The following RSRC1 variants were observed in gnomAD, a reference collection of about 807,000 sequenced individuals.
RSRC1 encodes arginine and serine rich coiled-coil 1.
In RSRC1, 39 loss-of-function variants were observed where a neutral mutation model predicts 49.1. That is an observed-to-expected ratio of 0.79 (90% CI 0.61 to 1.04). RSRC1 has a LOEUF of 1.04. RSRC1 is among the 50% of genes least tolerant of loss of function. The pLI is 0.00. For synonymous variants in RSRC1, 143 were observed against 130.8 expected, an observed-to-expected ratio of 1.09 and a Z score of -0.63; for missense variants, 388 against 402.4, an observed-to-expected ratio of 0.96 and a Z score of 0.31.
chr3:158,392,369 TAAACTTATTA>T (rs1733358936), intron 6 of RSRC1, among the ~76,000 whole-genome samples: 1 of 152,094 alleles, frequency 6.6e-6, no homozygotes, highest in Non-Finnish European at 1.5e-5. Context: ...GAAATACTAT[TAAACTTATTA>T]AGAGAATCAG....
At chr3:158,221,894 C>T (rs755116073) in intron 4 of RSRC1, among the ~76,000 whole-genome samples, 3 of 151,400 alleles carry the variant, frequency 2.0e-5, no homozygotes, top group South Asian at 4.2e-4. Flanking sequence ...TGGAGAGATT[C>T]GTATAATGAA....
chr3:158,208,676 T>G (rs957302419), intron 4 of RSRC1, among the ~76,000 whole-genome samples: 1 of 152,186 alleles, frequency 6.6e-6, no homozygotes, highest in African/African-American at 2.4e-5. Context: ...AGGCCCTAGA[T>G]CATTACAATT....
At position 158,399,408 on chromosome 3, in the gene RSRC1, G is replaced by A. The variant is rs1251600626; in HGVS notation, c.583+44500G>A. On this transcript the variant is annotated intron_variant, in intron 6 of 9. Coordinates refer to ENST00000611884, the MANE Select transcript of RSRC1 (RefSeq NM_001271838.2). ...CCTGACCTCGTGATCCGCCCGCCTC[G>A]GCCTCCCAAAGTGCTGGGATTACAG... Among the ~76,000 whole-genome samples the A allele has an allele frequency of 3.1e-4, 11 of 35,670 alleles. 3 individuals are homozygous for A. The highest frequency in any genetic ancestry group is 6.0e-4 in the Non-Finnish European group (10 of 16,792). The allele number at this position is 35,670 out of a possible 152,430, so 23.4% of individuals were successfully genotyped here. A position where few individuals can be genotyped will look rare whatever the true frequency, so the allele number is the denominator to read the frequency against.
intron 4 of RSRC1, among the ~76,000 whole-genome samples, chr3:158,246,462 T>G (rs988591335): frequency 1.3e-5 from 2 of 152,198 alleles, no homozygotes; most frequent in African/African-American, 4.8e-5. Flanking sequence ...CTAACTGGTT[T>G]TTTTGCAGAC....
chr3:158,305,163 C>T (rs1727768112), intron 5 of RSRC1, among the ~76,000 whole-genome samples: 1 of 151,932 alleles, frequency 6.6e-6, no homozygotes, highest in Non-Finnish European at 1.5e-5. Flanking sequence ...TTCCCCAATC[C>T]CTCCTTTCAC....
At chr3:158,478,672 C>G (rs1738484965) in intron 7 of RSRC1, among the ~76,000 whole-genome samples, 1 of 151,888 alleles carries the variant, frequency 6.6e-6, no homozygotes, top group Admixed American at 6.6e-5. Context: ...CCAATTATTT[C>G]TTTTTCAGCA....
chr3:158,398,681 G>A (rs1346104634), intron 6 of RSRC1, among the ~76,000 whole-genome samples: 1 of 152,126 alleles, frequency 6.6e-6, no homozygotes, highest in Non-Finnish European at 1.5e-5. Flanking sequence ...TCTCAGAAAA[G>A]CTTTCCCTGT....
rs561244438 is a variant in RSRC1 at position 158,513,136 on chromosome 3, G to C, written c.653-23956G>C. On this transcript the variant is annotated intron_variant, in intron 7 of 9. Coordinates refer to ENST00000611884, the MANE Select transcript of RSRC1 (RefSeq NM_001271838.2). ...TTCTCCTGCCTAATTGCCCTGGGCA[G>C]CACTTCCAACACTGTGTTGAATAGG... Among the ~76,000 whole-genome samples, 19 of 149,850 alleles carry C rather than the reference G, an allele frequency of 1.3e-4. No homozygotes were observed. The East Asian group carries it at 3.5e-3, about 27-fold the overall frequency.
intron 4 of RSRC1, among the ~76,000 whole-genome samples, chr3:158,225,426 T>C (rs1282762840): frequency 6.6e-6 from 1 of 151,906 alleles, no homozygotes; most frequent in Non-Finnish European, 1.5e-5. Flanking sequence ...TTTCAACCAA[T>C]TGCTCTATGC....
chr3:158,496,804 G>A (rs1739344972), intron 7 of RSRC1: 1 of 229,398 alleles, frequency 4.4e-6, no homozygotes, highest in Non-Finnish European at 9.4e-6. Context: ...GAAACTAGGG[G>A]AAGAGATAGG....
intron 4 of RSRC1, among the ~76,000 whole-genome samples, chr3:158,207,637 TTAGATAGATAGA>T (rs1553769118): frequency 6.8e-6 from 1 of 147,020 alleles, no homozygotes; most frequent in African/African-American, 2.5e-5. Context: ...GTAACAGTAT[TTAGATAGATAGA>T]TAGATAGATA....
chr3:158,426,456 A>G (rs1735448118), intron 6 of RSRC1, among the ~76,000 whole-genome samples: 1 of 151,592 alleles, frequency 6.6e-6, no homozygotes, highest in African/African-American at 2.4e-5. Flanking sequence ...TTAAGGAGAT[A>G]CACAGCCTCT....
In RSRC1 at chr3:158,335,285, A is replaced by G. The variant is rs1405010677; in HGVS notation, c.532-19572A>G. 3.3e-5 allele frequency among the ~76,000 whole-genome samples: 5 copies of G among 152,186 alleles called. No individual in the cohort carries two copies. In the East Asian group the frequency reaches 9.6e-4, roughly 29 times the overall value. On this transcript the variant is annotated intron_variant, in intron 5 of 9. Coordinates refer to ENST00000611884, the MANE Select transcript of RSRC1 (RefSeq NM_001271838.2). ...ATGGTGGAATTTCAGCATTTTTATA[A>G]CTAAGAATGACCGGACACAAAGGAA...
At chr3:158,136,534 CT>C (rs756744124) in intron 3 of RSRC1, among the ~76,000 whole-genome samples, 2 of 149,090 alleles carry the variant, frequency 1.3e-5, no homozygotes, top group Non-Finnish European at 2.9e-5. Context: ...TGATTAATAG[CT>C]TTCAGAGGTG....
Position 158,265,867 on chromosome 3 carries a change from T to G in RSRC1, c.495-32172T>G, listed in dbSNP as rs116713191. 7.6e-3 allele frequency among the ~76,000 whole-genome samples: 1,161 copies of G among 152,326 alleles called. 20 individuals carry two copies. Among genetic ancestry groups the G allele is most frequent in the African/African-American group, 0.026 (1,095 of 41,572 alleles). On this transcript the variant is annotated intron_variant, in intron 4 of 9. Transcript: ENST00000611884. The stretch of plus-strand genomic sequence containing the variant: ...TCTATATTTATGTCTGTGATCATTT[T>G]GACTTATGATGTGAGGTAGGGATGA...
chr3:158,441,041 A>T (rs755622976), intron 6 of RSRC1, among the ~76,000 whole-genome samples: 8 of 152,176 alleles, frequency 5.3e-5, no homozygotes, highest in African/African-American at 1.9e-4. Context: ...TTAATCGTAC[A>T]TAAGCATTCA....
chr3:158,443,803 A>T (rs1329986356), intron 6 of RSRC1, among the ~76,000 whole-genome samples: 3 of 152,112 alleles, frequency 2.0e-5, no homozygotes, highest in African/African-American at 7.2e-5. Context: ...CTGGCTTTTC[A>T]TATGAAGTGA....
intron 5 of RSRC1, among the ~76,000 whole-genome samples, chr3:158,309,630 CTT>C (rs1482245305): frequency 6.6e-6 from 1 of 151,732 alleles, no homozygotes; most frequent in African/African-American, 2.4e-5. Flanking sequence ...CTGGTACACT[CTT>C]ATAAAAAACT....
intron 4 of RSRC1, among the ~76,000 whole-genome samples, chr3:158,255,104 A>G (rs1323873103): frequency 6.6e-6 from 1 of 152,016 alleles, no homozygotes; most frequent in Non-Finnish European, 1.5e-5. Context: ...TTTTGTTGCC[A>G]TTGCTTTTGG....
Sources: gnomAD v4.1 joint callset for allele counts (sites outside exome capture counted in the v4.1 genomes callset) on GRCh38, gnomAD v4.1.1 for gene constraint, MANE v1.5 for transcripts, NCBI Gene and HGNC (gene_info 2026-07-23, HGNC 2026-07-21) for gene names.